Variants in TGIF2 observed in about 807,000 individuals in gnomAD.
TGIF2 encodes the protein homeobox protein TGIF2.
TGIF2 carries 5 observed loss-of-function variants against 15.1 expected under a neutral mutation model. That is an observed-to-expected ratio of 0.33 (90% CI 0.17 to 0.70). The LOEUF is 0.70. Among genes scored for constraint, TGIF2 ranks in the 30% least tolerant of loss-of-function variants. The pLI is 0.67. For synonymous variants in TGIF2, 131 were observed against 128.9 expected, an observed-to-expected ratio of 1.02 and a Z score of -0.11; for missense variants, 264 against 302.5, an observed-to-expected ratio of 0.87 and a Z score of 0.94.
At chr20:36,584,552 ATT>A (rs776849143) in intron 2 of TGIF2, among the ~76,000 whole-genome samples, 3 of 145,408 alleles carry the variant, frequency 2.1e-5, no homozygotes, top group African/African-American at 2.5e-5. Context: ...TTATTAATTA[ATT>A]TTTTTTTTTT....
At chr20:36,587,844 C>G (rs2147936833) in intron 2 of TGIF2, among the ~76,000 whole-genome samples, 1 of 152,106 alleles carries the variant, frequency 6.6e-6, no homozygotes, top group South Asian at 2.1e-4. Flanking sequence ...GTGAGCAGAT[C>G]ATTTGAGTTC....
intron 2 of TGIF2, among the ~76,000 whole-genome samples, chr20:36,585,140 C>T (rs868589167): frequency 2.6e-5 from 4 of 151,676 alleles, no homozygotes; most frequent in South Asian, 4.2e-4. Flanking sequence ...TGGAGATTGC[C>T]GTGAGCGAGA....
At chr20:36,575,275 G>A (rs950487889) in intron 1 of TGIF2, among the ~76,000 whole-genome samples, 2 of 152,092 alleles carry the variant, frequency 1.3e-5, no homozygotes, top group South Asian at 4.1e-4. Context: ...TCTGGGTGCG[G>A]TGTGGGGTGC....
intron 2 of TGIF2, among the ~76,000 whole-genome samples, chr20:36,582,202 A>C (rs1007396190): frequency 6.6e-6 from 1 of 151,802 alleles, no homozygotes; most frequent in Admixed American, 6.6e-5. Flanking sequence ...ATGCCATTAC[A>C]CTCCACCTGG....
In TGIF2 at chr20:36,578,941, G is replaced by A; in HGVS notation, c.167G>A (p.Gly56Glu). ...GAGCAGGAGAAGCTGAGCCTTTCTG[G>A]ACAGACCAACCTGTCAGTGCTGCAA... ...PSEQEKLSLS[G>E]QTNLSVLQIC... Residue 56 changes from glycine to glutamate, a missense_variant, in exon 2 of 3, where the codon GGA (glycine) becomes GAA (glutamate). Coordinates refer to ENST00000373872, the MANE Select transcript of TGIF2 (RefSeq NM_021809.7). 6.2e-7 allele frequency: 1 copy of A among 1,614,076 alleles called. No individual in the cohort carries two copies. Among genetic ancestry groups the A allele is most frequent in the Non-Finnish European group, 8.5e-7 (1 of 1,179,996 alleles).
intron 1 of TGIF2, chr20:36,574,781 T>G (rs1013962025): frequency 2.0e-5 from 3 of 152,138 alleles, no homozygotes; most frequent in Non-Finnish European, 4.4e-5. Context: ...CCAGGAGCCA[T>G]GTGCTCCGAC....
rs1033504856 is a variant in TGIF2, at chr20:36,592,179, AAAAC to A, written c.*751_*754del. 15 of 152,540 alleles carry A rather than the reference AAAAC, an allele frequency of 9.8e-5. No individual in the cohort carries two copies. The highest frequency in any genetic ancestry group is 4.6e-4 in the Admixed American group (7 of 15,278). The allele number at this position is 152,540 out of a possible 1,614,324, so 9.4% of individuals were successfully genotyped here. ...AAAAAAAAGGCAGGGAAAAAAAAAA[AAAAC>A]AACCGTATGAGCGCATTGGCTTGTC... is the stretch of plus-strand genomic sequence containing the variant. On this transcript the variant is annotated 3_prime_UTR_variant, in exon 3 of 3. Transcript: ENST00000373872.
intron 2 of TGIF2, among the ~76,000 whole-genome samples, chr20:36,581,987 A>G (rs1369884061): frequency 2.0e-5 from 3 of 152,210 alleles, no homozygotes; most frequent in Middle Eastern, 3.4e-3. Flanking sequence ...TGTAATCCCA[A>G]TACTTTGCGA....
At chr20:36,586,703 CA>C (rs1555926544) in intron 2 of TGIF2, among the ~76,000 whole-genome samples, 34 of 131,942 alleles carry the variant, frequency 2.6e-4, no homozygotes, top group African/African-American at 3.9e-4. Context: ...TCCCCCCCCC[CA>C]AAAAAAAAAA....
At chr20:36,582,383 TTATACC>T (rs1349375379) in intron 2 of TGIF2, among the ~76,000 whole-genome samples, 1 of 152,254 alleles carries the variant, frequency 6.6e-6, no homozygotes, top group African/African-American at 2.4e-5. Context: ...GCTTTTGTTC[TTATACC>T]TAACCTTAAA....
At chr20:36,587,516 G>A (rs112488637) in intron 2 of TGIF2, among the ~76,000 whole-genome samples, 2,018 of 152,204 alleles carry the variant, frequency 0.013, 15 homozygotes, top group Non-Finnish European at 0.021. Context: ...TGCAGCACAG[G>A]TATGGGAGGA....
At chr20:36,581,242 G>A (rs112744604) in intron 2 of TGIF2, among the ~76,000 whole-genome samples, 9,058 of 152,220 alleles carry the variant, frequency 0.06, 940 homozygotes, top group African/African-American at 0.21. Flanking sequence ...CCAGCAGTGC[G>A]TGGCATCTCA....
intron 2 of TGIF2, among the ~76,000 whole-genome samples, chr20:36,586,186 C>CATCT (rs1205644204): frequency 6.6e-6 from 1 of 152,168 alleles, no homozygotes. Context: ...CAAGGCCTTT[C>CATCT]ATCTGTGTGT....
In TGIF2 at chr20:36,592,178, A is replaced by T. The variant is rs2038779388; in HGVS notation, c.*747A>T. The T allele has an allele frequency of 6.6e-6, 1 of 152,460 alleles. No homozygotes were observed. The highest frequency in any genetic ancestry group is 1.5e-5 in the Non-Finnish European group (1 of 68,010). The allele number at this position is 152,460 out of a possible 1,614,324, so 9.4% of individuals were successfully genotyped here. The stretch of plus-strand genomic sequence containing the variant: ...CAAAAAAAAGGCAGGGAAAAAAAAA[A>T]AAAACAACCGTATGAGCGCATTGGC... On this transcript the variant is annotated 3_prime_UTR_variant, in exon 3 of 3. Coordinates refer to ENST00000373872, the MANE Select transcript of TGIF2 (RefSeq NM_021809.7).
rs926132320 is a variant in TGIF2, at chr20:36,593,636, G to C, written c.*2205G>C. ...ATCCCAGCCCTGTCAGTGAGCCCAG[G>C]TCTGGTGCAACTGCTGCAGGATGCC... is the stretch of plus-strand genomic sequence containing the variant. On this transcript the variant is annotated 3_prime_UTR_variant, in exon 3 of 3. Transcript: ENST00000373872. The C allele has an allele frequency of 6.5e-6, 1 of 152,758 alleles. No homozygotes were observed. Among genetic ancestry groups the C allele is most frequent in the Admixed American group, 6.5e-5 (1 of 15,270 alleles). 9.5% of individuals were successfully genotyped at this position (152,758 alleles called of 1,614,324 possible). A position where few individuals can be genotyped will look rare whatever the true frequency, so the allele number is the denominator to read the frequency against.
chr20:36,582,216 A>G (rs1008477502), intron 2 of TGIF2, among the ~76,000 whole-genome samples: 1 of 152,160 alleles, frequency 6.6e-6, no homozygotes, highest in African/African-American at 2.4e-5. Flanking sequence ...CACCTGGGCC[A>G]CAAGAGCGAA....
chr20:36,585,652 T>C (rs1230800207), intron 2 of TGIF2, among the ~76,000 whole-genome samples: 2 of 152,124 alleles, frequency 1.3e-5, no homozygotes, highest in Admixed American at 6.6e-5. Context: ...AGTCAATGAC[T>C]CAACTAACTG....
intron 2 of TGIF2, among the ~76,000 whole-genome samples, chr20:36,580,533 C>A (rs1487995589): frequency 1.3e-5 from 2 of 151,944 alleles, no homozygotes; most frequent in Non-Finnish European, 2.9e-5. Flanking sequence ...TCACTGGGGC[C>A]CTTCACAGTG....
intron 1 of TGIF2, among the ~76,000 whole-genome samples, chr20:36,577,525 T>G (rs988131441): frequency 3.0e-5 from 4 of 133,386 alleles, no homozygotes; most frequent in African/African-American, 8.6e-5. Flanking sequence ...TTTGTTTTTG[T>G]TTTTTTTTTT....
Sources: allele counts gnomAD v4.1 joint callset (sites outside exome capture counted in the v4.1 genomes callset), GRCh38; gene constraint gnomAD v4.1.1; transcripts MANE v1.5; gene names NCBI Gene and HGNC (gene_info 2026-07-23, HGNC 2026-07-21).